Variants in BCAS2 observed in about 807,000 individuals in gnomAD.
The protein encoded by BCAS2 is BCAS2 pre-mRNA processing factor.
In BCAS2, 34 loss-of-function variants were observed where a neutral mutation model predicts 35.3. That is an observed-to-expected ratio of 0.96 (90% CI 0.73 to 1.28). The LOEUF (loss-of-function observed/expected upper bound fraction) is 1.28, where lower values mean the gene tolerates loss of function less well. BCAS2 is among the 50% of genes most tolerant of loss of function. The pLI is 0.00. For synonymous variants in BCAS2, 75 were observed against 91.6 expected, an observed-to-expected ratio of 0.82 and a Z score of 1.03; for missense variants, 221 against 268.1, an observed-to-expected ratio of 0.82 and a Z score of 1.23.
At chr1:114,568,368 CT>C (rs71090789) in intron 6 of BCAS2, 112 bp from the exon 7 acceptor site, 26,080 of 869,028 alleles carry the variant, frequency 0.03, no homozygotes, top group South Asian at 0.051. Context: ...CTAACCTTCA[CT>C]TTTTTTTTTT....
intron 4 of BCAS2, 91 bp from the exon 5 acceptor site, chr1:114,570,841 T>C (rs1654624727): frequency 1.1e-6 from 1 of 871,370 alleles, no homozygotes; most frequent in Non-Finnish European, 1.8e-6. Context: ...AAAAATCATA[T>C]TTATGGAGCT....
intron 4 of BCAS2, among the ~76,000 whole-genome samples, chr1:114,571,447 C>T (rs914920045): frequency 2.4e-4 from 37 of 152,250 alleles, no homozygotes; most frequent in Non-Finnish European, 4.7e-4. Context: ...CCTCAACCTC[C>T]TGGGCTCAAC....
At chr1:114,579,758 C>T (rs931715742) in intron 2 of BCAS2, among the ~76,000 whole-genome samples, 10 of 151,850 alleles carry the variant, frequency 6.6e-5, no homozygotes, top group Admixed American at 1.3e-4. Flanking sequence ...CCCAGCTACT[C>T]GGGAGGCTGA....
intron 4 of BCAS2, among the ~76,000 whole-genome samples, chr1:114,575,054 T>TAG (rs2101628688): frequency 6.8e-6 from 1 of 147,644 alleles, no homozygotes; most frequent in Non-Finnish European, 1.5e-5. Context: ...TTTTTTTTAG[T>TAG]AGAGATGCGG....
At chr1:114,575,176 T>C (rs1654731039) in intron 4 of BCAS2, among the ~76,000 whole-genome samples, 3 of 126,884 alleles carry the variant, frequency 2.4e-5, no homozygotes, top group South Asian at 2.6e-4. Flanking sequence ...CCGGCTTTTC[T>C]TTTTCTTTTC....
chr1:114,581,045 C>T (rs777092282), intron 2 of BCAS2, among the ~76,000 whole-genome samples: 26 of 152,212 alleles, frequency 1.7e-4, no homozygotes, highest in Middle Eastern at 6.8e-3. Context: ...ACGCATGGAT[C>T]CTATCTCAAA....
At chr1:114,572,637 A>G (rs1434462301) in intron 4 of BCAS2, among the ~76,000 whole-genome samples, 1 of 152,182 alleles carries the variant, frequency 6.6e-6, no homozygotes, top group Non-Finnish European at 1.5e-5. Flanking sequence ...TCAATCAGGG[A>G]AGAAGACAAG....
At chr1:114,570,499 G>A (rs1460028447) in intron 5 of BCAS2, among the ~76,000 whole-genome samples, 2 of 152,218 alleles carry the variant, frequency 1.3e-5, no homozygotes, top group East Asian at 3.9e-4. Flanking sequence ...CAAGCTGCAA[G>A]TGGCAGAGAT....
chr1:114,570,105 T>C, intron 5 of BCAS2, 33 bp from the exon 6 acceptor site: 1 of 1,475,468 alleles, frequency 6.8e-7, no homozygotes, highest in Non-Finnish European at 9.4e-7. Context: ...CCCAATTACA[T>C]TTTAATGTAA....
chr1:114,570,185 A>G, intron 5 of BCAS2, 113 bp from the exon 6 acceptor site: 1 of 708,186 alleles, frequency 1.4e-6, no homozygotes, highest in South Asian at 1.8e-5. Flanking sequence ...TATTATGTAC[A>G]GTTATAGGCT....
intron 3 of BCAS2, among the ~76,000 whole-genome samples, chr1:114,576,454 T>C (rs1305627982): frequency 6.7e-6 from 1 of 149,626 alleles, no homozygotes; most frequent in Non-Finnish European, 1.5e-5. Context: ...TTATTATTAT[T>C]ATTAATTATT....
intron 4 of BCAS2, among the ~76,000 whole-genome samples, chr1:114,571,105 G>T (rs1169387132): frequency 6.6e-6 from 1 of 151,920 alleles, no homozygotes; most frequent in Non-Finnish European, 1.5e-5. Flanking sequence ...GCCCAGGCTG[G>T]AGCGAAGTGG....
Position 114,581,152 on chromosome 1 carries a change from A to G in BCAS2, c.186+147T>C, listed in dbSNP as rs192879778. The G allele has an allele frequency of 3.1e-4, 249 of 800,362 alleles. 1 individual carries two copies. The African/African-American group carries it at 3.5e-3, about 11-fold the overall frequency. 49.6% of individuals were successfully genotyped at this position (800,362 alleles called of 1,614,324 possible). A position where few individuals can be genotyped will look rare whatever the true frequency, so the allele number is the denominator to read the frequency against. Reference sequence around the variant, plus strand: ...TAAGAACCTCGGAGAAGACTTATCTATCTAGTTGTTTTCAATAGACTGACA... The same window carrying G: ...TAAGAACCTCGGAGAAGACTTATCTGTCTAGTTGTTTTCAATAGACTGACA... On this transcript the variant is annotated intron_variant, in intron 2 of 6. Transcript: ENST00000369541.
chr1:114,575,804 CA>C, intron 3 of BCAS2, 53 bp from the exon 4 acceptor site: 1 of 1,569,318 alleles, frequency 6.4e-7, no homozygotes, highest in East Asian at 2.3e-5. Context: ...CAAGCCTTTA[CA>C]TCTCTTCTCA....
intron 3 of BCAS2, among the ~76,000 whole-genome samples, chr1:114,575,987 T>A (rs1654753688): frequency 6.6e-6 from 1 of 152,154 alleles, no homozygotes; most frequent in South Asian, 2.1e-4. Flanking sequence ...TACATTCACA[T>A]AAAAGATTGT....
intron 4 of BCAS2, among the ~76,000 whole-genome samples, chr1:114,572,982 G>A (rs1369315653): frequency 6.6e-6 from 1 of 151,842 alleles, no homozygotes; most frequent in East Asian, 1.9e-4. Flanking sequence ...GCGTGGTGGT[G>A]TCTATAATCC....
At chr1:114,570,316 C>A (rs1379359751) in intron 5 of BCAS2, among the ~76,000 whole-genome samples, 1 of 151,974 alleles carries the variant, frequency 6.6e-6, no homozygotes, top group Non-Finnish European at 1.5e-5. Context: ...AGTCTCAAGT[C>A]CCCCCTCTCA....
chr1:114,581,467 G>A (rs200962856), intron 1 of BCAS2, 32 bp downstream of exon 1: 46 of 1,614,032 alleles, frequency 2.9e-5, no homozygotes, highest in Middle Eastern at 1.6e-4. Flanking sequence ...CCAGCTAGCA[G>A]TGAGTCAGCT....
chr1:114,572,761 G>A (rs1654672813), intron 4 of BCAS2, among the ~76,000 whole-genome samples: 1 of 152,148 alleles, frequency 6.6e-6, no homozygotes, highest in Non-Finnish European at 1.5e-5. Context: ...GAAAGGACTA[G>A]TTTGGGTTGA....
Sources: gnomAD v4.1 joint callset for allele counts (sites outside exome capture counted in the v4.1 genomes callset) on GRCh38, gnomAD v4.1.1 for gene constraint, MANE v1.5 for transcripts, NCBI Gene and HGNC (gene_info 2026-07-23, HGNC 2026-07-21) for gene names.